The following CHCHD6 variants were observed in gnomAD, a reference collection of about 807,000 sequenced individuals.
The protein encoded by CHCHD6 is coiled-coil-helix-coiled-coil-helix domain containing 6, also known as MICOS complex subunit MIC25.
Under a neutral mutation model 32.3 loss-of-function variants are expected in CHCHD6, and 28 were observed. That is an observed-to-expected ratio of 0.87 (90% CI 0.64 to 1.19). CHCHD6 has a LOEUF of 1.19. CHCHD6 is among the 50% of genes most tolerant of loss of function. CHCHD6 has a pLI of 0.00. For missense variants in CHCHD6, 333 were observed against 307.0 expected, an observed-to-expected ratio of 1.08 and a Z score of -0.63; for synonymous variants, 122 against 117.5, an observed-to-expected ratio of 1.04 and a Z score of -0.25.
At chr3:126,954,492 G>T (rs1362776866) in intron 6 of CHCHD6, among the ~76,000 whole-genome samples, 3 of 152,212 alleles carry the variant, frequency 2.0e-5, no homozygotes, top group Admixed American at 1.3e-4. Context: ...ACATGACTCA[G>T]GCTGGGGCCA....
intron 6 of CHCHD6, among the ~76,000 whole-genome samples, chr3:126,922,840 GGA>G (rs764494174): frequency 6.6e-6 from 1 of 152,222 alleles, no homozygotes; most frequent in African/African-American, 2.4e-5. Flanking sequence ...AAAGATGCAT[GGA>G]GAGAGAGTTG....
chr3:126,924,439 TA>T (rs1270771763), intron 6 of CHCHD6, among the ~76,000 whole-genome samples: 2 of 152,186 alleles, frequency 1.3e-5, no homozygotes, highest in Non-Finnish European at 2.9e-5. Context: ...CTTGTATAAT[TA>T]AAAATTAACA....
intron 4 of CHCHD6, among the ~76,000 whole-genome samples, chr3:126,814,048 T>C: frequency 6.6e-6 from 1 of 152,336 alleles, no homozygotes; most frequent in African/African-American, 2.4e-5. Flanking sequence ...GAATAATTAT[T>C]ACACCCAGAA....
chr3:126,957,736 G>A, intron 7 of CHCHD6, 185 bp downstream of exon 7: 1 of 716,902 alleles, frequency 1.4e-6, no homozygotes, highest in South Asian at 1.7e-5. Context: ...TCTCCTGGCT[G>A]CTTCCAGGAG....
chr3:126,881,865 G>C (rs2077615222), intron 5 of CHCHD6, among the ~76,000 whole-genome samples: 1 of 152,340 alleles, frequency 6.6e-6, no homozygotes, highest in Non-Finnish European at 1.5e-5. Context: ...GGGGTCTCCA[G>C]GCTGCCCTGG....
intron 5 of CHCHD6, among the ~76,000 whole-genome samples, chr3:126,864,527 A>ACCTCCT: frequency 8.8e-6 from 1 of 113,870 alleles, no homozygotes; most frequent in African/African-American, 3.4e-5. Context: ...CACCTCCACC[A>ACCTCCT]CCTCCTCCTC....
intron 5 of CHCHD6, among the ~76,000 whole-genome samples, chr3:126,910,488 C>T (rs1362860533): frequency 3.3e-5 from 5 of 152,146 alleles, no homozygotes; most frequent in Non-Finnish European, 5.9e-5. Context: ...CCAGGCTCCT[C>T]GCACTGCTGC....
intron 4 of CHCHD6, among the ~76,000 whole-genome samples, chr3:126,789,921 G>A (rs139236166): frequency 1.1e-4 from 16 of 152,112 alleles, no homozygotes; most frequent in African/African-American, 3.1e-4. Context: ...TCCTAGTCTC[G>A]ATGGTCTTTA....
intron 1 of CHCHD6, among the ~76,000 whole-genome samples, chr3:126,716,852 G>A (rs972000259): frequency 5.3e-5 from 8 of 152,238 alleles, no homozygotes; most frequent in Middle Eastern, 3.4e-3. Context: ...GGGGAGTCGG[G>A]GAAATGCGTG....
At chr3:126,879,511 T>A (rs1457746614) in intron 5 of CHCHD6, among the ~76,000 whole-genome samples, 1 of 152,218 alleles carries the variant, frequency 6.6e-6, no homozygotes, top group African/African-American at 2.4e-5. Context: ...TATTGAAGGA[T>A]GATCTCCAAA....
At chr3:126,857,216 C>G (rs2107554835) in intron 5 of CHCHD6, among the ~76,000 whole-genome samples, 1 of 152,234 alleles carries the variant, frequency 6.6e-6, no homozygotes, top group South Asian at 2.1e-4. Flanking sequence ...TGGGAGGATG[C>G]CCATATGCAG....
chr3:126,855,542 T>C lies in CHCHD6; in HGVS notation c.495+2812T>C, dbSNP rs72980841. Among the ~76,000 whole-genome samples the C allele has an allele frequency of 6.7e-3, 1,017 of 152,284 alleles. 8 individuals are homozygous for C. Among genetic ancestry groups the C allele is most frequent in the African/African-American group, 0.023 (970 of 41,548 alleles). On this transcript the variant is annotated intron_variant, in intron 5 of 7. Coordinates refer to ENST00000290913, the MANE Select transcript of CHCHD6 (RefSeq NM_032343.3). ...ATGAGCATGTGTGCATGCACACATATATGCATGCTGAGATGGATTTTTATC... is the reference window on the plus strand; with the variant it reads ...ATGAGCATGTGTGCATGCACACATACATGCATGCTGAGATGGATTTTTATC...
At chr3:126,809,588 G>T (rs138341804) in intron 4 of CHCHD6, among the ~76,000 whole-genome samples, 1 of 152,256 alleles carries the variant, frequency 6.6e-6, no homozygotes, top group South Asian at 2.1e-4. Context: ...GTCTGTGTCC[G>T]CTCTTGTGCT....
chr3:126,831,320 C>T (rs1032782218), intron 4 of CHCHD6, among the ~76,000 whole-genome samples: 6 of 152,130 alleles, frequency 3.9e-5, no homozygotes, highest in Non-Finnish European at 7.3e-5. Flanking sequence ...CCACCGTACC[C>T]GGCCAGCCCT....
chr3:126,787,645 G>A (rs1297854194), intron 4 of CHCHD6, among the ~76,000 whole-genome samples: 6 of 151,966 alleles, frequency 3.9e-5, no homozygotes, highest in African/African-American at 7.3e-5. Context: ...TTGGTGTATA[G>A]GAATGCTTGT....
chr3:126,813,036 A>G (rs559345052), intron 4 of CHCHD6, among the ~76,000 whole-genome samples: 18 of 152,346 alleles, frequency 1.2e-4, no homozygotes, highest in Admixed American at 9.8e-4. Flanking sequence ...GGGAGTCAAC[A>G]TAGTGCTGCG....
intron 5 of CHCHD6, among the ~76,000 whole-genome samples, chr3:126,862,958 A>C (rs369643384): frequency 0.026 from 1 of 38 alleles, no homozygotes; most frequent in Admixed American, 0.17. Flanking sequence ...ACCATCACCA[A>C]CTCCCCCTCC....
intron 5 of CHCHD6, among the ~76,000 whole-genome samples, chr3:126,864,345 TC>T (rs1942147563): frequency 7.7e-6 from 1 of 129,722 alleles, no homozygotes; most frequent in Non-Finnish European, 1.6e-5. Context: ...CTCACCATTC[TC>T]CCCCTCCTCC....
At chr3:126,730,945 A>G (rs879163806) in intron 3 of CHCHD6, among the ~76,000 whole-genome samples, 1 of 151,704 alleles carries the variant, frequency 6.6e-6, no homozygotes, top group South Asian at 2.1e-4. Flanking sequence ...CCTGTCTCTA[A>G]AAGATAAAAA....
Sources: allele counts gnomAD v4.1 joint callset (sites outside exome capture counted in the v4.1 genomes callset), GRCh38; gene constraint gnomAD v4.1.1; transcripts MANE v1.5; gene names NCBI Gene and HGNC (gene_info 2026-07-23, HGNC 2026-07-21).